The following A1CF variants were observed in gnomAD, a reference collection of about 807,000 sequenced individuals.
A1CF encodes APOBEC1 complementation factor.
A neutral mutation model predicts 68.9 loss-of-function variants in A1CF; 48 were observed. The ratio of observed to expected loss-of-function variants is 0.70; its 90% CI spans 0.55 to 0.89. A1CF has a LOEUF of 0.89. A1CF is among the 40% of genes least tolerant of loss of function. The pLI, the probability that A1CF is intolerant of heterozygous loss-of-function variation, is 0.00. For missense variants in A1CF, 653 were observed against 718.9 expected (o/e 0.91, Z 1.05); for synonymous variants, 272 against 260.4 (o/e 1.04, Z -0.43).
At chr10:50,856,091 C>G (rs1026862089) in intron 3 of A1CF, among the ~76,000 whole-genome samples, 2 of 151,966 alleles carry the variant, frequency 1.3e-5, no homozygotes, top group African/African-American at 2.4e-5. Flanking sequence ...GCTACCCTTT[C>G]GACCAAATAG....
intron 1 of A1CF, among the ~76,000 whole-genome samples, chr10:50,881,066 T>G (rs1841750494): frequency 6.6e-6 from 1 of 152,010 alleles, no homozygotes. Context: ...CTCGGCTCAC[T>G]GCAACCTTCG....
At chr10:50,880,956 G>A (rs987325621) in intron 1 of A1CF, among the ~76,000 whole-genome samples, 1 of 150,948 alleles carries the variant, frequency 6.6e-6, no homozygotes, top group South Asian at 2.1e-4. Context: ...CTTCCACATG[G>A]ACCTTTATGT....
intron 1 of A1CF, among the ~76,000 whole-genome samples, chr10:50,877,065 A>G (rs1416579769): frequency 6.6e-6 from 1 of 152,186 alleles, no homozygotes; most frequent in African/African-American, 2.4e-5. Context: ...TGACTTCTAG[A>G]AGATTCCTGG....
chr10:50,806,937 G>T, intron 12 of A1CF, 57 bp from the exon 13 acceptor site: 1 of 1,539,200 alleles, frequency 6.5e-7, no homozygotes, highest in Non-Finnish European at 8.8e-7. Context: ...CTCCCTTTTG[G>T]CTTATTTGTC....
At chr10:50,875,606 G>A (rs899886277) in intron 1 of A1CF, among the ~76,000 whole-genome samples, 1 of 152,124 alleles carries the variant, frequency 6.6e-6, no homozygotes, top group Non-Finnish European at 1.5e-5. Flanking sequence ...TTCAATATAG[G>A]CACCTCATGA....
chr10:50,862,457 A>G (rs752037284), intron 2 of A1CF, among the ~76,000 whole-genome samples: 16 of 152,200 alleles, frequency 1.1e-4, no homozygotes, highest in Non-Finnish European at 2.2e-4. Flanking sequence ...GGGACAGAAC[A>G]ATGTCATCCT....
At chr10:50,881,860 C>G (rs1042387589) in intron 1 of A1CF, among the ~76,000 whole-genome samples, 9 of 152,136 alleles carry the variant, frequency 5.9e-5, no homozygotes, top group Non-Finnish European at 1.2e-4. Context: ...TTAATATTAC[C>G]AGGGACCAAT....
rs7084132 is a variant in A1CF at position 50,800,083 on chromosome 10, T to A, written c.*6646A>T. 5.9e-5 allele frequency: 9 copies of A among 152,090 alleles called. No individual in the cohort carries two copies. Among genetic ancestry groups the A allele is most frequent in the South Asian group, 2.1e-4 (1 of 4,814 alleles). 9.4% of individuals were successfully genotyped at this position (152,090 alleles called of 1,614,324 possible). On this transcript the variant is annotated 3_prime_UTR_variant, in exon 13 of 13. Transcript: ENST00000373997. Reference sequence around the variant, plus strand: ...TATTGCAAAGAAAGGCATGTCTAAGTCTTGTGATATAGATTTTAAAATTTT... The same window carrying A: ...TATTGCAAAGAAAGGCATGTCTAAGACTTGTGATATAGATTTTAAAATTTT...
chr10:50,843,545 T>A (rs1200534143), intron 4 of A1CF, among the ~76,000 whole-genome samples: 1 of 152,220 alleles, frequency 6.6e-6, no homozygotes, highest in South Asian at 2.1e-4. Context: ...AATTCAGACC[T>A]GGAGATTTCA....
intron 3 of A1CF, among the ~76,000 whole-genome samples, chr10:50,844,780 T>A (rs184851852): frequency 6.6e-6 from 1 of 152,334 alleles, no homozygotes; most frequent in Admixed American, 6.5e-5. Flanking sequence ...AAGTAGTTAC[T>A]GTCAAAAATT....
intron 1 of A1CF, among the ~76,000 whole-genome samples, chr10:50,873,887 G>A (rs929525060): frequency 1.3e-5 from 2 of 152,018 alleles, no homozygotes; most frequent in Non-Finnish European, 2.9e-5. Context: ...AAATACCATA[G>A]GAACCACTGT....
In A1CF at chr10:50,801,118, T is replaced by G. The variant is rs1156742495; in HGVS notation, c.*5611A>C. ...ATAATGACTAGCTTGCTCTGCCATATGAAGGCAGAACTCAGGACTCACAGC... is the reference window on the plus strand; with the variant it reads ...ATAATGACTAGCTTGCTCTGCCATAGGAAGGCAGAACTCAGGACTCACAGC... On this transcript the variant is annotated 3_prime_UTR_variant, in exon 13 of 13. Transcript: ENST00000373997. 6.6e-6 allele frequency: 1 copy of G among 152,252 alleles called. No individual in the cohort carries two copies. Among genetic ancestry groups the G allele is most frequent in the Non-Finnish European group, 1.5e-5 (1 of 68,122 alleles). The allele number at this position is 152,252 out of a possible 1,614,324, so 9.4% of individuals were successfully genotyped here.
intron 3 of A1CF, among the ~76,000 whole-genome samples, chr10:50,849,811 T>TG: frequency 6.8e-6 from 1 of 147,422 alleles, no homozygotes; most frequent in Middle Eastern, 3.5e-3. Flanking sequence ...TTTTTTTTTT[T>TG]GAGACGGAGT....
At chr10:50,878,078 C>T (rs1233487454) in intron 1 of A1CF, among the ~76,000 whole-genome samples, 1 of 152,014 alleles carries the variant, frequency 6.6e-6, no homozygotes, top group African/African-American at 2.4e-5. Flanking sequence ...GCTGAGATCA[C>T]GCTACTACAC....
intron 3 of A1CF, among the ~76,000 whole-genome samples, chr10:50,848,575 G>GT (rs1840099833): frequency 6.6e-6 from 1 of 152,260 alleles, no homozygotes; most frequent in African/African-American, 2.4e-5. Context: ...CATTCAGCCT[G>GT]TTTTTTCCTG....
At chr10:50,824,741 G>T (rs756467142) in intron 7 of A1CF, among the ~76,000 whole-genome samples, 44 of 152,154 alleles carry the variant, frequency 2.9e-4, no homozygotes, top group Non-Finnish European at 1.3e-4. Flanking sequence ...TTAAGAACAT[G>T]CCCTTTACCA....
At chr10:50,866,722 A>C (rs1246063179) in intron 1 of A1CF, among the ~76,000 whole-genome samples, 1 of 152,180 alleles carries the variant, frequency 6.6e-6, no homozygotes, top group Non-Finnish European at 1.5e-5. Flanking sequence ...ATGAAGAACC[A>C]AGTCATGGAA....
At chr10:50,828,092 A>G in intron 7 of A1CF, 39 bp downstream of exon 7, 1 of 1,464,008 alleles carries the variant, frequency 6.8e-7, no homozygotes, top group South Asian at 1.5e-5. Context: ...ACCAGGACAA[A>G]GAATGTTTTG....
chr10:50,806,802 G>A lies in A1CF; in HGVS notation c.1688C>T (p.Ala563Val), dbSNP rs758582733. The A allele has an allele frequency of 1.9e-6, 3 of 1,613,600 alleles. No homozygotes were observed. The highest frequency in any genetic ancestry group is 2.5e-6 in the Non-Finnish European group (3 of 1,179,732). The change falls in exon 13 of 13, where the codon GCA becomes GTA. Residue 563 changes from alanine to valine, a missense_variant. Coordinates refer to ENST00000373997, the MANE Select transcript of A1CF (RefSeq NM_014576.4). ...KQAVTLGQDL[A>V]AYTTYEVYPT... ...GTAGACCTCATAGGTTGTATATGCT[G>A]CTAAGTCTTGTCCAAGGGTTACCGC...
Sources: allele counts gnomAD v4.1 joint callset (sites outside exome capture counted in the v4.1 genomes callset), GRCh38; gene constraint gnomAD v4.1.1; transcripts MANE v1.5; gene names NCBI Gene and HGNC (gene_info 2026-07-23, HGNC 2026-07-21).